Variants in SLC39A11 observed in about 807,000 individuals in gnomAD.
SLC39A11 encodes the protein solute carrier family 39 member 11, also known as zinc transporter ZIP11.
SLC39A11 carries 33 observed loss-of-function variants against 36.1 expected under a neutral mutation model. That is an observed-to-expected ratio of 0.91 (90% CI 0.69 to 1.22). SLC39A11 has a LOEUF of 1.22. Ranked by LOEUF, SLC39A11 falls within the 50% of genes most tolerant of loss-of-function variation. SLC39A11 has a pLI of 0.00. For synonymous variants in SLC39A11, 166 were observed against 170.3 expected, an observed-to-expected ratio of 0.97 and a Z score of 0.20; for missense variants, 432 against 430.3, an observed-to-expected ratio of 1.00 and a Z score of -0.03.
intron 6 of SLC39A11, among the ~76,000 whole-genome samples, chr17:72,800,090 T>G (rs1252771431): frequency 1.3e-5 from 2 of 151,996 alleles, no homozygotes; most frequent in Non-Finnish European, 2.9e-5. Flanking sequence ...GAACATATGT[T>G]GAAATATTAG....
chr17:72,712,685 G>C (rs1474967304), intron 7 of SLC39A11: 3 of 152,260 alleles, frequency 2.0e-5, no homozygotes, highest in East Asian at 3.9e-4. Context: ...CCCTCCCCTA[G>C]AAAGCTGCGG....
intron 7 of SLC39A11, among the ~76,000 whole-genome samples, chr17:72,674,841 G>A (rs185283692): frequency 6.6e-6 from 1 of 152,240 alleles, no homozygotes; most frequent in Admixed American, 6.5e-5. Flanking sequence ...TTTAAAACGT[G>A]TTTTGGTGAA....
chr17:72,805,401 G>A (rs962161775), intron 6 of SLC39A11, among the ~76,000 whole-genome samples: 1 of 152,220 alleles, frequency 6.6e-6, no homozygotes, highest in African/African-American at 2.4e-5. Context: ...AAGCATGAGG[G>A]AGATTGATGG....
At chr17:72,851,527 T>C (rs756065007) in intron 5 of SLC39A11, among the ~76,000 whole-genome samples, 1 of 152,214 alleles carries the variant, frequency 6.6e-6, no homozygotes, top group South Asian at 2.1e-4. Flanking sequence ...CAAAAGGCCA[T>C]TGGTCTGAGG....
At chr17:72,753,717 G>A (rs1382867242) in intron 6 of SLC39A11, among the ~76,000 whole-genome samples, 3 of 151,618 alleles carry the variant, frequency 2.0e-5, no homozygotes, top group East Asian at 3.9e-4. Context: ...TGACATTGAC[G>A]ATAGTTGGAA....
intron 4 of SLC39A11, among the ~76,000 whole-genome samples, chr17:73,001,230 T>G (rs1335334538): frequency 2.0e-5 from 3 of 148,648 alleles, no homozygotes; most frequent in Non-Finnish European, 4.5e-5. Context: ...AGAGTTCTCT[T>G]TTTACCCTAG....
intron 4 of SLC39A11, among the ~76,000 whole-genome samples, chr17:72,965,159 TA>T: frequency 6.6e-6 from 1 of 152,132 alleles, no homozygotes; most frequent in Middle Eastern, 3.4e-3. Flanking sequence ...AGTGACGAGT[TA>T]ATGGGTGCAG....
chr17:72,749,509 GTAAA>G (rs1456253305), intron 6 of SLC39A11, among the ~76,000 whole-genome samples: 2 of 152,246 alleles, frequency 1.3e-5, no homozygotes, highest in African/African-American at 2.4e-5. Context: ...AAGCAGCTCT[GTAAA>G]TATGAGGACA....
In SLC39A11 at chr17:72,674,858, G is replaced by T. The variant is rs545969782; in HGVS notation, c.672-25590C>A. 2.0e-5 allele frequency among the ~76,000 whole-genome samples: 3 copies of T among 152,156 alleles called. No homozygotes were observed. The East Asian group carries it at 5.8e-4, about 29-fold the overall frequency. On this transcript the variant is annotated intron_variant, in intron 7 of 9. Coordinates refer to ENST00000255559, the MANE Select transcript of SLC39A11 (RefSeq NM_139177.4). Reference sequence around the variant, plus strand: ...TAAAACGTGTTTTGGTGAATTATCTGGTCACATCTTTCCCCCAATTTTTCT... The same window carrying T: ...TAAAACGTGTTTTGGTGAATTATCTTGTCACATCTTTCCCCCAATTTTTCT...
intron 5 of SLC39A11, among the ~76,000 whole-genome samples, chr17:72,864,225 A>G (rs1323180587): frequency 6.6e-6 from 1 of 152,248 alleles, no homozygotes; most frequent in East Asian, 1.9e-4. Flanking sequence ...GCATATATGG[A>G]CAAAATGCAT....
intron 3 of SLC39A11, among the ~76,000 whole-genome samples, chr17:73,035,515 C>T (rs373385956): frequency 6.6e-6 from 1 of 152,034 alleles, no homozygotes; most frequent in South Asian, 2.1e-4. Context: ...AATATTTCAC[C>T]TTACAAGTAA....
chr17:72,751,521 T>C (rs2075155714), intron 6 of SLC39A11, among the ~76,000 whole-genome samples: 1 of 152,210 alleles, frequency 6.6e-6, no homozygotes, highest in Admixed American at 6.5e-5. Flanking sequence ...AAGTGTACAT[T>C]CATTGGCATT....
intron 3 of SLC39A11, among the ~76,000 whole-genome samples, chr17:73,044,733 G>T (rs9302950): frequency 5.3e-5 from 8 of 152,098 alleles, no homozygotes; most frequent in East Asian, 1.9e-4. Flanking sequence ...AATTAGCTGG[G>T]GATGGTGGTG....
chr17:72,758,794 G>C (rs1157636068), intron 6 of SLC39A11, among the ~76,000 whole-genome samples: 1 of 152,242 alleles, frequency 6.6e-6, no homozygotes, highest in Non-Finnish European at 1.5e-5. Context: ...CAGCTGCCCA[G>C]ATCGGTTGAT....
At chr17:72,660,341 T>C (rs2070354546) in intron 7 of SLC39A11, among the ~76,000 whole-genome samples, 1 of 152,240 alleles carries the variant, frequency 6.6e-6, no homozygotes, top group East Asian at 1.9e-4. Context: ...TATTACTACG[T>C]GCTGGGCGTG....
intron 7 of SLC39A11, among the ~76,000 whole-genome samples, chr17:72,698,408 T>C (rs554712634): frequency 2.4e-4 from 37 of 151,186 alleles, no homozygotes; most frequent in African/African-American, 8.7e-4. Context: ...CGGGGTTTAT[T>C]ATGGTATTCT....
chr17:72,808,285 TG>T (rs2077325700), intron 6 of SLC39A11, among the ~76,000 whole-genome samples: 1 of 152,224 alleles, frequency 6.6e-6, no homozygotes, highest in Non-Finnish European at 1.5e-5. Context: ...AAACTGCCTT[TG>T]CAAAGAATAT....
At chr17:73,009,025 G>A (rs1195318326) in intron 4 of SLC39A11, among the ~76,000 whole-genome samples, 1 of 135,314 alleles carries the variant, frequency 7.4e-6, no homozygotes, top group Non-Finnish European at 1.5e-5. Context: ...TTGCAATGCT[G>A]CACTCCAGCC....
At chr17:72,807,645 A>C (rs2077304237) in intron 6 of SLC39A11, among the ~76,000 whole-genome samples, 1 of 152,222 alleles carries the variant, frequency 6.6e-6, no homozygotes, top group African/African-American at 2.4e-5. Flanking sequence ...GTTGGTGAAC[A>C]CACGGAGGTG....
Sources: allele counts gnomAD v4.1 joint callset (sites outside exome capture counted in the v4.1 genomes callset), GRCh38; gene constraint gnomAD v4.1.1; transcripts MANE v1.5; gene names NCBI Gene and HGNC (gene_info 2026-07-23, HGNC 2026-07-21).